Variants in MEIS3 observed in about 807,000 individuals in gnomAD.
MEIS3 encodes Meis homeobox 3.
In MEIS3, 38 loss-of-function variants were observed where a neutral mutation model predicts 51.4. That is an observed-to-expected ratio of 0.74 (90% confidence interval 0.57 to 0.97). The LOEUF (loss-of-function observed/expected upper bound fraction) is 0.97, where lower values mean the gene tolerates loss of function less well. Among genes scored for constraint, MEIS3 ranks in the 50% least tolerant of loss-of-function variants. The pLI, the probability that MEIS3 is intolerant of heterozygous loss-of-function variation, is 0.00. For missense variants in MEIS3, 456 were observed against 502.6 expected (o/e 0.91, Z 0.89); for synonymous variants, 198 against 201.8 (o/e 0.98, Z 0.16).
Position 47,407,118 on chromosome 19 carries a change from G to T in MEIS3, c.955C>A (p.Arg319Ser). Residue 319 changes from arginine to serine, a missense_variant, in exon 10 of 13, where the codon CGC becomes AGC. Coordinates refer to ENST00000558555, the MANE Select transcript of MEIS3 (RefSeq NM_001301059.2). ...TGATCGATCATAGGTTGCACGATGCGTCTCCGGGCGTTAATGAACCTGGGA... is the reference window on the plus strand; with the variant it reads ...TGATCGATCATAGGTTGCACGATGCTTCTCCGGGCGTTAATGAACCTGGGA... ...VNNWFINARRRIVQPMIDQSN... is the reference protein window; with the variant it reads ...VNNWFINARRSIVQPMIDQSN... The T allele has an allele frequency of 6.2e-7, 1 of 1,610,862 alleles. No individual in the cohort carries two copies. The highest frequency in any genetic ancestry group is 8.5e-7 in the Non-Finnish European group (1 of 1,178,916).
At chr19:47,417,050 G>T in intron 2 of MEIS3, 87 bp from the exon 3 acceptor site, 1 of 1,531,676 alleles carries the variant, frequency 6.5e-7, no homozygotes, top group Admixed American at 2.2e-5. Flanking sequence ...CTGGGGAGGG[G>T]ACAAGAGACC....
At position 47,406,933 on chromosome 19, in the gene MEIS3, CG is replaced by C. The variant is rs772029340; in HGVS notation, c.1032del (p.Ile344MetfsTer21). 2.5e-6 allele frequency: 4 copies of C among 1,579,204 alleles called. No homozygotes were observed. In the South Asian group the frequency reaches 3.5e-5, roughly 14 times the overall value. On this transcript the variant is annotated frameshift_variant, in exon 11 of 13. Transcript: ENST00000558555. LOFTEE classifies it high-confidence loss of function. Reference protein sequence around the residue: ...GAAFSPEGQPIGGYTETQPHV... With the variant: ...GAAFSPEGQPXGGYTETQPHV... ...TGTGGCTGCGTCTCGGTATAGCCCC[CG>C]ATGGGCTGGCCCTCTGGGCTGAAGG... is the stretch of plus-strand genomic sequence containing the variant.
rs576075142 is a variant in MEIS3, at chr19:47,403,127, G to A, written c.*444C>T. On this transcript the variant is annotated 3_prime_UTR_variant, in exon 13 of 13. Coordinates refer to ENST00000558555, the MANE Select transcript of MEIS3 (RefSeq NM_001301059.2). ...CACAAGAACTCCAGTTGGTGGCTCC[G>A]TGTTTTTAAGACTTTATCATTAAAA... 55 of 230,382 alleles carry A rather than the reference G, an allele frequency of 2.4e-4. No homozygotes were observed. Among genetic ancestry groups the A allele is most frequent in the African/African-American group, 7.1e-4 (30 of 42,030 alleles). 14.3% of individuals were successfully genotyped at this position (230,382 alleles called of 1,614,324 possible).
chr19:47,420,746 T>C (rs1276135134), upstream of MEIS3, among the ~76,000 whole-genome samples: 1 of 142,442 alleles, frequency 7.0e-6, no homozygotes, highest in Non-Finnish European at 1.5e-5. Context: ...GAGAAATAAG[T>C]GTGTGGGAGA....
chr19:47,421,283 T>C (rs1288825448), upstream of MEIS3, among the ~76,000 whole-genome samples: 1 of 152,080 alleles, frequency 6.6e-6, no homozygotes, highest in Non-Finnish European at 1.5e-5. Context: ...TGAGTAGATC[T>C]GGGGGACCTC....
chr19:47,414,213 G>C (rs775165740), intron 6 of MEIS3, among the ~76,000 whole-genome samples: 60 of 152,140 alleles, frequency 3.9e-4, no homozygotes, highest in Non-Finnish European at 1.3e-4. Context: ...CCGGGCCCAA[G>C]TGTGGTTATA....
chr19:47,408,060 C>T (rs1007625261), intron 8 of MEIS3, among the ~76,000 whole-genome samples: 19 of 152,188 alleles, frequency 1.2e-4, no homozygotes, highest in African/African-American at 4.3e-4. Flanking sequence ...CCGCCTCGGC[C>T]TCCCAAAGTG....
At chr19:47,422,189 C>CA (rs1330279382), upstream of MEIS3, among the ~76,000 whole-genome samples, 1 of 152,136 alleles carries the variant, frequency 6.6e-6, no homozygotes, top group Admixed American at 6.5e-5. Context: ...GCAATCATAC[C>CA]ATTAGCCACG....
Position 47,419,323 on chromosome 19 carries a change from G to A in MEIS3, c.-242C>T. 5.6e-6 allele frequency: 1 copy of A among 179,410 alleles called. No individual in the cohort carries two copies. Among genetic ancestry groups the A allele is most frequent in the Non-Finnish European group, 1.1e-5 (1 of 87,592 alleles). 11.1% of individuals were successfully genotyped at this position (179,410 alleles called of 1,614,324 possible). ...TCACGGCCAGGAGCGCATCGCCGCC[G>A]GGGCGGGGGCAGCAGGCGCAGGCGG... On this transcript the variant is annotated 5_prime_UTR_variant, in exon 1 of 13. Coordinates refer to ENST00000558555, the MANE Select transcript of MEIS3 (RefSeq NM_001301059.2).
intron 6 of MEIS3, among the ~76,000 whole-genome samples, chr19:47,413,692 T>C (rs1035870026): frequency 1.3e-5 from 2 of 151,864 alleles, no homozygotes; most frequent in African/African-American, 4.8e-5. Context: ...GCGTCTGAGA[T>C]GGTGCCACCT....
chr19:47,417,711 T>C (rs1344620208), intron 1 of MEIS3: 7 of 699,994 alleles, frequency 1.0e-5, no homozygotes, highest in Non-Finnish European at 1.6e-5. Context: ...GGACACCTCC[T>C]GTAGGAACCG....
intron 6 of MEIS3, among the ~76,000 whole-genome samples, chr19:47,410,199 G>A (rs1971060997): frequency 6.6e-6 from 1 of 152,090 alleles, no homozygotes; most frequent in African/African-American, 2.4e-5. Flanking sequence ...TATAATCCCA[G>A]CACTTTGGGA....
chr19:47,422,066 C>T (rs1386130958), upstream of MEIS3, among the ~76,000 whole-genome samples: 5 of 152,168 alleles, frequency 3.3e-5, no homozygotes, highest in East Asian at 1.9e-4. Context: ...CCCCTGCGCC[C>T]GCCCCTCCGC....
At chr19:47,405,093 C>A (rs999482692) in intron 12 of MEIS3, among the ~76,000 whole-genome samples, 1 of 152,220 alleles carries the variant, frequency 6.6e-6, no homozygotes, top group Non-Finnish European at 1.5e-5. Context: ...TGGGCCTTTG[C>A]ACATGCTGTT....
intron 9 of MEIS3, 60 bp downstream of exon 9, chr19:47,407,292 C>G: frequency 1.3e-6 from 2 of 1,580,552 alleles, no homozygotes; most frequent in Admixed American, 1.8e-5. Flanking sequence ...CCGTCAGCAC[C>G]GCGGACAGCG....
At position 47,406,475 on chromosome 19, in the gene MEIS3, C is replaced by T. The variant is rs1970822730; in HGVS notation, c.*2G>A. 1 of 1,613,668 alleles carries T rather than the reference C, an allele frequency of 6.2e-7. No individual in the cohort carries two copies. Among genetic ancestry groups the T allele is most frequent in the East Asian group, 2.2e-5 (1 of 44,882 alleles). On this transcript the variant is annotated 3_prime_UTR_variant, in exon 12 of 13. Coordinates refer to ENST00000558555, the MANE Select transcript of MEIS3 (RefSeq NM_001301059.2). ...ACCCTCACACCTCTCCTGCATCAGC[C>T]TCTATAGATAATGCCATTCTCCTTC...
At chr19:47,404,323 T>C (rs1970720199) in intron 12 of MEIS3, among the ~76,000 whole-genome samples, 1 of 151,776 alleles carries the variant, frequency 6.6e-6, no homozygotes, top group Non-Finnish European at 1.5e-5. Flanking sequence ...AAGAGCTGAG[T>C]CGCCCACTGC....
At chr19:47,414,960 G>A in intron 5 of MEIS3, 91 bp downstream of exon 5, 1 of 1,217,982 alleles carries the variant, frequency 8.2e-7, no homozygotes, top group Non-Finnish European at 1.2e-6. Context: ...AACTCCGGTG[G>A]GGAGAGAGCT....
chr19:47,420,953 CT>C (rs1232889422), upstream of MEIS3, among the ~76,000 whole-genome samples: 25 of 135,266 alleles, frequency 1.8e-4, no homozygotes, highest in Non-Finnish European at 3.6e-4. Context: ...CTCTCTCTCT[CT>C]CTCTCTCTCT....
Sources: gnomAD v4.1 joint callset for allele counts (sites outside exome capture counted in the v4.1 genomes callset) on GRCh38, gnomAD v4.1.1 for gene constraint, MANE v1.5 for transcripts, NCBI Gene and HGNC (gene_info 2026-07-23, HGNC 2026-07-21) for gene names.